RGS22: variants seen among roughly 807,000 people sequenced by gnomAD.
RGS22 encodes regulator of G protein signaling 22, also known as regulator of G-protein signaling 22.
In RGS22, 148 loss-of-function variants were observed where a neutral mutation model predicts 172.9. The observed-to-expected ratio is 0.86, with a 90% CI of 0.75 to 0.98. The LOEUF is 0.98. Among genes scored for constraint, RGS22 ranks in the 50% least tolerant of loss-of-function variants. RGS22 has a pLI of 0.00. For missense variants in RGS22, 1,347 were observed against 1,440.8 expected, an observed-to-expected ratio of 0.93 and a Z score of 1.05; for synonymous variants, 458 against 480.2, an observed-to-expected ratio of 0.95 and a Z score of 0.60.
intron 20 of RGS22, among the ~76,000 whole-genome samples, chr8:99,988,565 G>A (rs994802699): frequency 6.6e-6 from 1 of 152,150 alleles, no homozygotes; most frequent in African/African-American, 2.4e-5. Flanking sequence ...GATGGATTTA[G>A]CAACACATAA....
rs1438386643 is a variant in RGS22, at chr8:100,008,536, T to G, written c.2200A>C (p.Thr734Pro). The change falls in exon 15 of 28, where the codon ACT (threonine) becomes CCT (proline). Residue 734 changes from threonine (T) to proline (P), a missense_variant. By Grantham distance (38) the Thr-to-Pro change is conservative. Coordinates refer to ENST00000360863, the MANE Select transcript of RGS22 (RefSeq NM_015668.5). ...TCCTGTTGGAGTCCAATGTCAAGAG[T>G]GGCAGAAGGAGCAACGTATGTGGCA... ...LFATYVAPSATLDIGLQQEKK... is the reference protein window; with the variant it reads ...LFATYVAPSAPLDIGLQQEKK... The G allele has an allele frequency of 4.3e-6, 7 of 1,610,822 alleles. No homozygotes were observed. The highest frequency in any genetic ancestry group is 5.9e-6 in the Non-Finnish European group (7 of 1,179,332).
intron 3 of RGS22, among the ~76,000 whole-genome samples, chr8:100,090,521 C>T (rs981367042): frequency 1.3e-5 from 2 of 152,152 alleles, no homozygotes; most frequent in East Asian, 3.8e-4. Context: ...TATTAAAAAT[C>T]AACCCCTGCT....
Position 100,003,976 on chromosome 8 carries a change from G to A in RGS22, c.2577C>T (p.Asn859=). 1.2e-6 allele frequency: 2 copies of A among 1,611,608 alleles called. No homozygotes were observed. The highest frequency in any genetic ancestry group is 1.7e-6 in the Non-Finnish European group (2 of 1,178,584). ...KHFKFSDLLN[N]KLEFEHFRQF... is the part of the protein sequence containing the mutation. ...GACGGAAATGTTCAAACTCCAGTTTGTTGTTAAGCAGATCACTAAACTTAA... is the reference window on the plus strand; with the variant it reads ...GACGGAAATGTTCAAACTCCAGTTTATTGTTAAGCAGATCACTAAACTTAA... The change falls in exon 17 of 28, where the codon AAC becomes AAT. Residue 859 remains asparagine (N), a synonymous_variant. Transcript: ENST00000360863.
chr8:100,043,151 T>G (rs1820321878), intron 11 of RGS22, among the ~76,000 whole-genome samples: 1 of 152,236 alleles, frequency 6.6e-6, no homozygotes, highest in Non-Finnish European at 1.5e-5. Context: ...TCAATTCATC[T>G]AAGCCATTGC....
At chr8:100,047,738 T>C in intron 10 of RGS22, 142 bp from the exon 11 acceptor site, 1 of 681,186 alleles carries the variant, frequency 1.5e-6, no homozygotes, top group Non-Finnish European at 2.1e-6. Flanking sequence ...AAATAGAAAT[T>C]TTTTCTTTCT....
intron 14 of RGS22, 85 bp downstream of exon 14, chr8:100,038,846 A>G: frequency 1.4e-6 from 1 of 711,580 alleles, no homozygotes; most frequent in Middle Eastern, 2.6e-4. Context: ...CTGCGATCCC[A>G]GATTTCTCGT....
At chr8:100,047,376 T>C in intron 11 of RGS22, 87 bp downstream of exon 11, 2 of 1,192,844 alleles carry the variant, frequency 1.7e-6, no homozygotes, top group East Asian at 2.5e-5. Context: ...ATCAAAGTAC[T>C]AGTTTTTAAT....
intron 14 of RGS22, among the ~76,000 whole-genome samples, chr8:100,019,527 A>G (rs1225493191): frequency 6.6e-6 from 1 of 152,258 alleles, no homozygotes; most frequent in Non-Finnish European, 1.5e-5. Flanking sequence ...CAGTACATAA[A>G]GAATAAAATG....
chr8:100,072,420 T>A (rs983116785), intron 4 of RGS22, among the ~76,000 whole-genome samples, 190 bp from the exon 5 acceptor site: 195 of 58,784 alleles, frequency 3.3e-3, no homozygotes, highest in Non-Finnish European at 6.6e-3. Flanking sequence ...CCCTGGTACG[T>A]TTTTAATTCT....
At chr8:100,012,692 G>A (rs1235182382) in intron 14 of RGS22, among the ~76,000 whole-genome samples, 2 of 152,026 alleles carry the variant, frequency 1.3e-5, no homozygotes, top group Admixed American at 6.6e-5. Flanking sequence ...CGAAACTAAA[G>A]ATTAAAATTA....
At chr8:100,018,159 T>TC (rs1817206081) in intron 14 of RGS22, among the ~76,000 whole-genome samples, 1 of 151,118 alleles carries the variant, frequency 6.6e-6, no homozygotes, top group South Asian at 2.1e-4. Context: ...TGTGCTGCTT[T>TC]CCCCGCACCT....
At chr8:100,078,292 G>A (rs1481820918) in intron 4 of RGS22, among the ~76,000 whole-genome samples, 10 of 151,878 alleles carry the variant, frequency 6.6e-5, no homozygotes, top group African/African-American at 2.4e-4. Context: ...AGGCTGGAGT[G>A]CAGTGGCACC....
intron 3 of RGS22, 131 bp downstream of exon 3, chr8:100,093,316 C>A: frequency 5.3e-6 from 3 of 563,540 alleles, no homozygotes; most frequent in Non-Finnish European, 9.6e-6. Flanking sequence ...AAAGATAAAA[C>A]CTTTACCTAA....
At chr8:100,099,858 G>C (rs1355936364) in intron 2 of RGS22, among the ~76,000 whole-genome samples, 2 of 152,172 alleles carry the variant, frequency 1.3e-5, no homozygotes, top group African/African-American at 4.8e-5. Flanking sequence ...AGAACGTAGG[G>C]GTAGTACTTA....
chr8:100,015,449 C>T (rs180873458), intron 14 of RGS22, among the ~76,000 whole-genome samples: 90 of 152,150 alleles, frequency 5.9e-4, no homozygotes, highest in Admixed American at 4.5e-3. Flanking sequence ...TTCACCACCA[C>T]GCCAGGCTAA....
rs11986551 is a variant in RGS22 at position 100,096,085 on chromosome 8, G to C, written c.55-2576C>G. Reference sequence around the variant, plus strand: ...ACTAAGCAGTCTTGTAAACCCATGAGTATCTGATAAGCTGTTTACACCACA... The same window carrying C: ...ACTAAGCAGTCTTGTAAACCCATGACTATCTGATAAGCTGTTTACACCACA... On this transcript the variant is annotated intron_variant, in intron 2 of 27. Coordinates refer to ENST00000360863, the MANE Select transcript of RGS22 (RefSeq NM_015668.5). Among the ~76,000 whole-genome samples the C allele has an allele frequency of 2.2e-3, 331 of 152,206 alleles. 3 individuals carry two copies. The highest frequency in any genetic ancestry group is 7.7e-3 in the African/African-American group (318 of 41,520).
intron 18 of RGS22, among the ~76,000 whole-genome samples, chr8:100,001,202 T>TTATATATATATATATATATACATA (rs140189906): frequency 1.3e-3 from 161 of 124,766 alleles, no homozygotes; most frequent in African/African-American, 4.5e-3. Flanking sequence ...TCCCAATTTT[T>TTATATATATATATATATATACATA]TATATATATA....
Position 100,051,731 on chromosome 8 carries a change from GTATA to G in RGS22, c.1689+1067_1689+1070del, listed in dbSNP as rs1387771007. ...TATATAAATATATATTTATATATAC[GTATA>G]TATAAATATATATTTATATATTTAT... On this transcript the variant is annotated intron_variant, in intron 10 of 27. Transcript: ENST00000360863. 3.9e-5 allele frequency among the ~76,000 whole-genome samples: 2 copies of G among 51,318 alleles called. 1 individual carries two copies. Among genetic ancestry groups the G allele is most frequent in the African/African-American group, 2.7e-4 (2 of 7,474 alleles). 33.7% of individuals were successfully genotyped at this position (51,318 alleles called of 152,430 possible).
chr8:100,059,059 T>G (rs1809885395), intron 9 of RGS22, among the ~76,000 whole-genome samples: 1 of 152,148 alleles, frequency 6.6e-6, no homozygotes, highest in Admixed American at 6.5e-5. Context: ...TTATGCAGTG[T>G]TAAGTTCTCA....
Sources: gnomAD v4.1 joint callset for allele counts (sites outside exome capture counted in the v4.1 genomes callset) on GRCh38, gnomAD v4.1.1 for gene constraint, MANE v1.5 for transcripts, NCBI Gene and HGNC (gene_info 2026-07-23, HGNC 2026-07-21) for gene names.